Variants in EML5 observed in about 807,000 individuals in gnomAD.
The protein encoded by EML5 is echinoderm microtubule-associated protein-like 5.
EML5 carries 120 observed loss-of-function variants against 250.0 expected under a neutral mutation model. That is an observed-to-expected ratio of 0.48 (90% confidence interval 0.41 to 0.56). The LOEUF is 0.56. Among genes scored for constraint, EML5 ranks in the 20% least tolerant of loss-of-function variants. The pLI is 0.00. For missense variants in EML5, 2,006 were observed against 2,437.6 expected (o/e 0.82, Z 3.73); for synonymous variants, 771 against 806.5 (o/e 0.96, Z 0.75).
At chr14:88,720,259 G>A (rs1649977017) in intron 8 of EML5, among the ~76,000 whole-genome samples, 1 of 152,054 alleles carries the variant, frequency 6.6e-6, no homozygotes, top group Non-Finnish European at 1.5e-5. Flanking sequence ...CAATTGATAA[G>A]GAGGGACTCC....
chr14:88,679,519 C>T (rs1217090265), intron 21 of EML5, among the ~76,000 whole-genome samples: 1 of 151,844 alleles, frequency 6.6e-6, no homozygotes, highest in Non-Finnish European at 1.5e-5. Flanking sequence ...TGGTGAAACT[C>T]CATCTCTACT....
intron 1 of EML5, among the ~76,000 whole-genome samples, chr14:88,757,629 A>G (rs1362565545): frequency 6.6e-6 from 1 of 152,220 alleles, no homozygotes; most frequent in African/African-American, 2.4e-5. Context: ...CAATAAAACT[A>G]TAAATAATCC....
intron 1 of EML5, among the ~76,000 whole-genome samples, chr14:88,771,603 A>C (rs1027638692): frequency 6.6e-6 from 1 of 152,210 alleles, no homozygotes; most frequent in Admixed American, 6.5e-5. Flanking sequence ...GAGGTGTCTC[A>C]TCTTTTTCAC....
chr14:88,692,051 T>C (rs2092970560), intron 17 of EML5, among the ~76,000 whole-genome samples: 1 of 152,142 alleles, frequency 6.6e-6, no homozygotes, highest in Non-Finnish European at 1.5e-5. Context: ...ATCTGTGGAT[T>C]TAATAAAATG....
At chr14:88,745,547 A>G (rs2093993302) in intron 3 of EML5, among the ~76,000 whole-genome samples, 1 of 152,190 alleles carries the variant, frequency 6.6e-6, no homozygotes, top group African/African-American at 2.4e-5. Context: ...AGTAATACGT[A>G]ATTTTAAATC....
At chr14:88,784,960 G>A (rs955630374) in intron 1 of EML5, among the ~76,000 whole-genome samples, 1 of 152,188 alleles carries the variant, frequency 6.6e-6, no homozygotes, top group African/African-American at 2.4e-5. Flanking sequence ...ATCAACAGAT[G>A]AATGGATAAA....
intron 17 of EML5, among the ~76,000 whole-genome samples, chr14:88,691,736 T>TA (rs1282659056): frequency 6.6e-6 from 1 of 152,194 alleles, no homozygotes; most frequent in Non-Finnish European, 1.5e-5. Context: ...TTTAGAGGGT[T>TA]AAACAATAGT....
chr14:88,719,121 C>T (rs186782827), intron 8 of EML5, among the ~76,000 whole-genome samples: 14 of 151,998 alleles, frequency 9.2e-5, no homozygotes, highest in African/African-American at 3.1e-4. Flanking sequence ...CATGGTGGCT[C>T]GTGCCTGTAA....
At chr14:88,724,495 G>T (rs778900762) in intron 8 of EML5, among the ~76,000 whole-genome samples, 7 of 151,978 alleles carry the variant, frequency 4.6e-5, no homozygotes, top group Non-Finnish European at 8.8e-5. Flanking sequence ...CTAAAATACA[G>T]TCTTATTAGG....
At chr14:88,683,439 G>A (rs2092759457) in intron 20 of EML5, among the ~76,000 whole-genome samples, 1 of 152,138 alleles carries the variant, frequency 6.6e-6, no homozygotes, top group Non-Finnish European at 1.5e-5. Context: ...AGTTGGGTGT[G>A]GTCAGGGAAA....
At chr14:88,742,937 G>A (rs998610058) in intron 4 of EML5, among the ~76,000 whole-genome samples, 1 of 152,078 alleles carries the variant, frequency 6.6e-6, no homozygotes, top group Non-Finnish European at 1.5e-5. Flanking sequence ...GGAATTAACT[G>A]TTACCAGGAA....
At chr14:88,637,722 A>G (rs2090821669) in intron 32 of EML5, among the ~76,000 whole-genome samples, 1 of 152,184 alleles carries the variant, frequency 6.6e-6, no homozygotes. Flanking sequence ...GCATTGAGCT[A>G]GGTACTTAGG....
chr14:88,692,938 C>A (rs2092993073), intron 17 of EML5, among the ~76,000 whole-genome samples: 1 of 152,116 alleles, frequency 6.6e-6, no homozygotes, highest in Admixed American at 6.5e-5. Context: ...CCTATATTTA[C>A]ATATTTTCTC....
rs982753955 is a variant in EML5, at chr14:88,709,932, T to C, written c.1657+2339A>G. Among the ~76,000 whole-genome samples, 4 of 152,372 alleles carry C rather than the reference T, an allele frequency of 2.6e-5. No homozygotes were observed. In the East Asian group the frequency reaches 7.7e-4, roughly 29 times the overall value. On this transcript the variant is annotated intron_variant, in intron 10 of 43. Transcript: ENST00000554922. The stretch of plus-strand genomic sequence containing the variant: ...TTTGTTAGATATTTGGTTTTTCCTA[T>C]GAATTTCCTGGAATCTAAATGATAT...
chr14:88,778,598 G>T (rs1457339747), intron 1 of EML5, among the ~76,000 whole-genome samples: 1 of 152,208 alleles, frequency 6.6e-6, no homozygotes, highest in Non-Finnish European at 1.5e-5. Flanking sequence ...GGCAAACATG[G>T]TGAAACCCTG....
At chr14:88,635,940 A>T (rs1305115957) in intron 32 of EML5, among the ~76,000 whole-genome samples, 1 of 152,210 alleles carries the variant, frequency 6.6e-6, no homozygotes, top group Non-Finnish European at 1.5e-5. Flanking sequence ...CCCTCACCAC[A>T]ACTTGACCAT....
chr14:88,664,369 G>A (rs2092243273), intron 23 of EML5, 124 bp downstream of exon 23: 1 of 726,180 alleles, frequency 1.4e-6, no homozygotes, highest in Non-Finnish European at 2.0e-6. Flanking sequence ...ATAATTTTGA[G>A]AATAATGGTT....
Position 88,621,117 on chromosome 14 carries a change from T to G in EML5, c.5198A>C (p.Asp1733Ala). ...AAAAAAATTATCTGTACTTACTTTA[T>G]CAGCAATATCCCAAAGTCTCACTGT... ...DGTVRLWDIA[D>A]KKMLNKVNLG... is the part of the protein sequence containing the mutation. The change falls in exon 38 of 44, where the codon GAT becomes GCT. Residue 1733 changes from aspartate to alanine, a missense_variant. Transcript: ENST00000554922. 1 of 1,613,512 alleles carries G rather than the reference T, an allele frequency of 6.2e-7. No homozygotes were observed.
chr14:88,660,711 C>T (rs951145472), intron 25 of EML5, among the ~76,000 whole-genome samples: 4 of 150,542 alleles, frequency 2.7e-5, no homozygotes, highest in Non-Finnish European at 4.4e-5. Context: ...CCACTGCACT[C>T]CAGCCTGGCG....
Sources: gnomAD v4.1 joint callset for allele counts (sites outside exome capture counted in the v4.1 genomes callset) on GRCh38, gnomAD v4.1.1 for gene constraint, MANE v1.5 for transcripts, NCBI Gene and HGNC (gene_info 2026-07-23, HGNC 2026-07-21) for gene names.